Variants in COL5A1 observed in about 807,000 individuals in gnomAD.
COL5A1 encodes collagen alpha-1(V) chain.
In COL5A1, 16 loss-of-function variants were observed where a neutral mutation model predicts 263.7. The ratio of observed to expected loss-of-function variants is 0.06; its 90% CI spans 0.04 to 0.09. The LOEUF (loss-of-function observed/expected upper bound fraction) is 0.09, where lower values mean the gene tolerates loss of function less well. Ranked by LOEUF, COL5A1 falls within the 10% of genes least tolerant of loss-of-function variation. The probability of loss-of-function intolerance (pLI) is 1.00; values close to 1 mark genes in which losing one functional copy is unlikely to be tolerated. For synonymous variants in COL5A1, 1,012 were observed against 1,004.5 expected, an observed-to-expected ratio of 1.01 and a Z score of -0.14; for missense variants, 2,036 against 2,540.5, an observed-to-expected ratio of 0.80 and a Z score of 4.27.
chr9:134,764,180 A>T (rs1836572970), intron 20 of COL5A1, among the ~76,000 whole-genome samples: 1 of 117,472 alleles, frequency 8.5e-6, no homozygotes, highest in Admixed American at 9.7e-5. Context: ...ATGGGTGGGT[A>T]CAAGGGCATT....
At chr9:134,662,557 A>G (rs1323933786) in intron 1 of COL5A1, among the ~76,000 whole-genome samples, 3 of 152,226 alleles carry the variant, frequency 2.0e-5, no homozygotes, top group Non-Finnish European at 2.9e-5. Context: ...CAGTGGGGAC[A>G]TTCCGCGCTC....
In COL5A1 at chr9:134,834,985, C is replaced by T. The variant is rs61729558; in HGVS notation, c.5151C>T (p.Asp1717=). ...FKRGKLLSYV[D]AEGNPVGVVQ... ...TGTCCCCCCAGCTCTCCTATGTGGA[C>T]GCCGAGGGCAACCCTGTGGGTGTGG... Residue 1717 remains aspartate, a synonymous_variant, in exon 65 of 66, where the codon GAC becomes GAT. Transcript: ENST00000371817. The T allele has an allele frequency of 1.3e-3, 2,165 of 1,613,276 alleles. 29 individuals are homozygous for T. In the African/African-American group the frequency reaches 0.024, roughly 18 times the overall value.
At position 134,817,053 on chromosome 9, in the gene COL5A1, G is replaced by A; in HGVS notation, c.4150G>A (p.Gly1384Ser). 1.2e-6 allele frequency: 2 copies of A among 1,613,852 alleles called. No individual in the cohort carries two copies. The highest frequency in any genetic ancestry group is 1.7e-6 in the Non-Finnish European group (2 of 1,179,826). ...TGSPGPTGEP[G>S]PSGPPGKRGP... ...ATCCCCCGGCCCTACTGGTGAACCAGGTCCATCGGGGCCTCCAGGAAAAAG... is the reference window on the plus strand; with the variant it reads ...ATCCCCCGGCCCTACTGGTGAACCAAGTCCATCGGGGCCTCCAGGAAAAAG... The change falls in exon 53 of 66, where the codon GGT (glycine) becomes AGT (serine). Residue 1384 changes from glycine (G) to serine (S), a missense_variant. Gly to Ser is a moderately conservative substitution (Grantham distance 56). Coordinates refer to ENST00000371817, the MANE Select transcript of COL5A1 (RefSeq NM_000093.5).
At chr9:134,649,623 G>T in intron 1 of COL5A1, 1 of 435,656 alleles carries the variant, frequency 2.3e-6, no homozygotes. Flanking sequence ...AAAACAGTGT[G>T]GTGATTCCTC....
intron 7 of COL5A1, 111 bp downstream of exon 7, chr9:134,730,586 G>A: frequency 7.4e-6 from 11 of 1,493,890 alleles, no homozygotes; most frequent in South Asian, 3.4e-5. Flanking sequence ...TGGTGTCCTC[G>A]GGTGGCCCCT....
At chr9:134,798,562 G>T in intron 37 of COL5A1, 101 bp downstream of exon 37, 1 of 811,254 alleles carries the variant, frequency 1.2e-6, no homozygotes, top group Non-Finnish European at 1.9e-6. Flanking sequence ...GACCCTCCTG[G>T]CCTGGGAGAG....
At position 134,757,278 on chromosome 9, in the gene COL5A1, C is replaced by T. The variant is rs78928532; in HGVS notation, c.1881+460C>T. ...CCAGGCATGCACCAGCTGTTGCTGT[C>T]GCCACTCATGCCTGCCCGCTGCTGT... On this transcript the variant is annotated intron_variant, in intron 17 of 65. Coordinates refer to ENST00000371817, the MANE Select transcript of COL5A1 (RefSeq NM_000093.5). The surrounding 1 kb of genome is among the most constrained non-coding windows in gnomAD (Gnocchi z 6.2). Among the ~76,000 whole-genome samples the T allele has an allele frequency of 8.8e-3, 1,336 of 152,214 alleles. 25 individuals are homozygous for T. The highest frequency in any genetic ancestry group is 0.03 in the African/African-American group (1,247 of 41,510).
intron 2 of COL5A1, among the ~76,000 whole-genome samples, chr9:134,695,997 G>A (rs1588445137): frequency 6.6e-6 from 1 of 152,094 alleles, no homozygotes; most frequent in African/African-American, 2.4e-5. Context: ...TCTGCCCTGG[G>A]CCTGCCATGC....
chr9:134,681,690 C>A lies in COL5A1; in HGVS notation c.110-9222C>A, dbSNP rs1443734660. Among the ~76,000 whole-genome samples the A allele has an allele frequency of 1.3e-5, 2 of 152,186 alleles. No individual in the cohort carries two copies. The highest frequency in any genetic ancestry group is 2.9e-5 in the Non-Finnish European group (2 of 68,036). ...TGCTCACCTGCCCTGTACCTCGATT[C>A]CTCTTTCCCAATGAAGGCTCTTAGC... On this transcript the variant is annotated intron_variant, in intron 1 of 65. Transcript: ENST00000371817. This position sits in a 1 kb window ranked among gnomAD's most constrained non-coding sequence, Gnocchi z 4.3.
chr9:134,834,140 G>T (rs1839759273), intron 64 of COL5A1, among the ~76,000 whole-genome samples: 1 of 152,144 alleles, frequency 6.6e-6, no homozygotes, highest in African/African-American at 2.4e-5. Context: ...GGGGCTCTAA[G>T]ACCTCCTCCT....
intron 1 of COL5A1, among the ~76,000 whole-genome samples, chr9:134,654,625 G>A (rs1831864400): frequency 2.3e-5 from 3 of 131,256 alleles, no homozygotes; most frequent in Non-Finnish European, 4.9e-5. Context: ...GTGTAGGGCT[G>A]GGGGTGTGTA....
intron 30 of COL5A1, among the ~76,000 whole-genome samples, chr9:134,785,452 G>A (rs1426189000): frequency 6.6e-6 from 1 of 152,206 alleles, no homozygotes; most frequent in Non-Finnish European, 1.5e-5. Flanking sequence ...ACCATGGCCT[G>A]AAGGTGTGGC....
At chr9:134,689,019 G>A (rs1400081404) in intron 1 of COL5A1, among the ~76,000 whole-genome samples, 2 of 152,156 alleles carry the variant, frequency 1.3e-5, no homozygotes, top group Admixed American at 6.5e-5. Context: ...GTACCTCCTT[G>A]TGGCCTGCGC....
intron 60 of COL5A1, 54 bp downstream of exon 60, chr9:134,823,087 C>T (rs1030528744): frequency 5.2e-5 from 83 of 1,593,344 alleles, no homozygotes; most frequent in East Asian, 1.6e-4. Context: ...GGGAGGGCGA[C>T]GGGTCCCCTG....
chr9:134,726,897 AGATGGATG>A (rs1414647755), intron 4 of COL5A1, among the ~76,000 whole-genome samples: 2 of 145,906 alleles, frequency 1.4e-5, no homozygotes, highest in South Asian at 4.5e-4. Flanking sequence ...ATGGATGGAT[AGATGGATG>A]GATGGGTGGA....
intron 5 of COL5A1, among the ~76,000 whole-genome samples, chr9:134,728,194 C>T (rs541938426): frequency 1.3e-5 from 2 of 152,366 alleles, no homozygotes; most frequent in South Asian, 2.1e-4. Flanking sequence ...CCTGCTGCCC[C>T]GGCCTCCTGC....
chr9:134,695,616 A>C (rs1283594520), intron 2 of COL5A1, among the ~76,000 whole-genome samples: 1 of 152,190 alleles, frequency 6.6e-6, no homozygotes, highest in Non-Finnish European at 1.5e-5. Context: ...CCCATAGAGC[A>C]GGATAGGGGT....
chr9:134,750,025 C>T (rs192303696), intron 11 of COL5A1, among the ~76,000 whole-genome samples: 3 of 152,248 alleles, frequency 2.0e-5, no homozygotes, highest in African/African-American at 4.8e-5. Flanking sequence ...TGCTGTGTTG[C>T]GTGTCCATCC....
At chr9:134,738,308 C>T (rs1040398905) in intron 9 of COL5A1, among the ~76,000 whole-genome samples, 166 bp from the exon 10 acceptor site, 1 of 152,216 alleles carries the variant, frequency 6.6e-6, no homozygotes, top group Non-Finnish European at 1.5e-5. Flanking sequence ...GCCACTGAGG[C>T]CCCACCACAG....
Sources: allele counts gnomAD v4.1 joint callset (sites outside exome capture counted in the v4.1 genomes callset), GRCh38; gene constraint gnomAD v4.1.1; non-coding constraint Gnocchi (gnomAD v3.1); transcripts MANE v1.5; gene names NCBI Gene and HGNC (gene_info 2026-07-23, HGNC 2026-07-21).